Variants in CGNL1 observed in about 807,000 individuals in gnomAD.
CGNL1 encodes cingulin-like protein 1.
In CGNL1, 132 loss-of-function variants were observed where a neutral mutation model predicts 141.2. The observed-to-expected ratio is 0.93, with a 90% CI of 0.81 to 1.08. The LOEUF (loss-of-function observed/expected upper bound fraction) is 1.08. CGNL1 is among the 50% of genes least tolerant of loss of function. The pLI is 0.00. For synonymous variants in CGNL1, 690 were observed against 622.1 expected, an observed-to-expected ratio of 1.11 and a Z score of -1.63; for missense variants, 1,870 against 1,588.6, an observed-to-expected ratio of 1.18 and a Z score of -3.01.
At position 57,447,348 on chromosome 15, in the gene CGNL1, C is replaced by T. The variant is rs150379119; in HGVS notation, c.1804-4152C>T. 2.8e-4 allele frequency among the ~76,000 whole-genome samples: 42 copies of T among 152,234 alleles called. No homozygotes were observed. The East Asian group carries it at 3.7e-3, about 13-fold the overall frequency. ...TTTTTGAATATCCTCTAGTACTTTT[C>T]GTGGGCATTGTTTGAGAATAGCTGT... On this transcript the variant is annotated intron_variant, in intron 4 of 18. Coordinates refer to ENST00000281282, the MANE Select transcript of CGNL1 (RefSeq NM_032866.5).
intron 4 of CGNL1, among the ~76,000 whole-genome samples, chr15:57,449,481 C>A (rs552666372): frequency 6.6e-6 from 1 of 152,270 alleles, no homozygotes; most frequent in East Asian, 1.9e-4. Flanking sequence ...GTCCTGTCCC[C>A]ACATACGCCC....
At chr15:57,467,830 C>T (rs1310905841) in intron 8 of CGNL1, among the ~76,000 whole-genome samples, 1 of 151,748 alleles carries the variant, frequency 6.6e-6, no homozygotes, top group African/African-American at 2.4e-5. Flanking sequence ...GCTGGGATTA[C>T]AGGCGCCTGC....
intron 8 of CGNL1, among the ~76,000 whole-genome samples, chr15:57,469,999 A>C (rs149383173): frequency 6.6e-6 from 1 of 152,304 alleles, no homozygotes; most frequent in Non-Finnish European, 1.5e-5. Flanking sequence ...TGTCTTCTCC[A>C]AGGGAGCCAG....
intron 4 of CGNL1, among the ~76,000 whole-genome samples, chr15:57,449,239 G>A (rs537634733): frequency 6.6e-6 from 1 of 152,046 alleles, no homozygotes; most frequent in Non-Finnish European, 1.5e-5. Flanking sequence ...AAGAATCCAG[G>A]GAGTATTTAT....
chr15:57,530,480 T>G, intron 13 of CGNL1, among the ~76,000 whole-genome samples: 1 of 152,208 alleles, frequency 6.6e-6, no homozygotes, highest in South Asian at 2.1e-4. Flanking sequence ...AGCACTTAAA[T>G]TAATTTTCAA....
At chr15:57,493,293 C>G (rs546152440) in intron 8 of CGNL1, among the ~76,000 whole-genome samples, 1 of 152,124 alleles carries the variant, frequency 6.6e-6, no homozygotes, top group Admixed American at 6.5e-5. Context: ...CACTTGTGCT[C>G]TCTTCTTTTG....
Position 57,453,788 on chromosome 15 carries a change from G to A in CGNL1, c.2160G>A (p.Ser720=), listed in dbSNP as rs780455581. ...MHDELDSAKR[S]EDREKGALIE... The stretch of plus-strand genomic sequence containing the variant: ...ATGAACTGGACAGTGCAAAGCGATC[G>A]GAGGACAGGGAGAAGGGAGCTCTGA... The change falls in exon 7 of 19, where the codon TCG becomes TCA. Residue 720 remains serine, a synonymous_variant. Coordinates refer to ENST00000281282, the MANE Select transcript of CGNL1 (RefSeq NM_032866.5). 4.3e-6 allele frequency: 7 copies of A among 1,613,654 alleles called. No homozygotes were observed. The highest frequency in any genetic ancestry group is 2.7e-5 in the African/African-American group (2 of 74,880).
intron 8 of CGNL1, among the ~76,000 whole-genome samples, chr15:57,514,637 T>C (rs2030619947): frequency 6.6e-6 from 1 of 152,240 alleles, no homozygotes; most frequent in South Asian, 2.1e-4. Context: ...GTTCGTTCTT[T>C]TGTCACTTGT....
chr15:57,469,780 T>C (rs2152343688), intron 8 of CGNL1, among the ~76,000 whole-genome samples: 1 of 152,324 alleles, frequency 6.6e-6, no homozygotes, highest in East Asian at 1.9e-4. Context: ...GAAATGTCAC[T>C]GAGTCTTACA....
intron 8 of CGNL1, among the ~76,000 whole-genome samples, chr15:57,468,234 C>CTTTTTT (rs57360097): frequency 4.4e-4 from 38 of 85,914 alleles, no homozygotes; most frequent in African/African-American, 1.8e-3. Flanking sequence ...TTTTCTTTTT[C>CTTTTTT]TTTTTTTTTT....
intron 7 of CGNL1, among the ~76,000 whole-genome samples, chr15:57,455,384 A>G (rs570651490): frequency 6.6e-6 from 1 of 152,274 alleles, no homozygotes; most frequent in South Asian, 2.1e-4. Context: ...TGAACATTTT[A>G]TTGGTTCTAA....
rs534545352 is a variant in CGNL1 at position 57,458,587 on chromosome 15, C to T, written c.2191-3093C>T. On this transcript the variant is annotated intron_variant, in intron 7 of 18. Coordinates refer to ENST00000281282, the MANE Select transcript of CGNL1 (RefSeq NM_032866.5). ...AGTGTGGGGAGAGGAACTGTCTTATCATCCAAACAATTGAGAAACGTGTGA... is the reference window on the plus strand; with the variant it reads ...AGTGTGGGGAGAGGAACTGTCTTATTATCCAAACAATTGAGAAACGTGTGA... 5.9e-5 allele frequency among the ~76,000 whole-genome samples: 9 copies of T among 152,226 alleles called. No individual in the cohort carries two copies. In the South Asian group the frequency reaches 6.2e-4, roughly 11 times the overall value.
chr15:57,461,324 C>T (rs1199344692), intron 7 of CGNL1, among the ~76,000 whole-genome samples: 1 of 152,144 alleles, frequency 6.6e-6, no homozygotes, highest in Non-Finnish European at 1.5e-5. Flanking sequence ...CGTGAAGCAA[C>T]AGCACACACA....
chr15:57,495,566 G>T (rs931634488), intron 8 of CGNL1, among the ~76,000 whole-genome samples: 2 of 152,168 alleles, frequency 1.3e-5, no homozygotes, highest in African/African-American at 2.4e-5. Context: ...GAGAAAGAAA[G>T]GATGACAGTA....
At chr15:57,468,764 C>T (rs1441625865) in intron 8 of CGNL1, among the ~76,000 whole-genome samples, 1 of 152,094 alleles carries the variant, frequency 6.6e-6, no homozygotes, top group Non-Finnish European at 1.5e-5. Context: ...CTCATAATTC[C>T]CACATGTTGT....
intron 9 of CGNL1, 42 bp downstream of exon 9, chr15:57,517,028 C>T (rs1471956201): frequency 6.4e-7 from 1 of 1,564,458 alleles, no homozygotes; most frequent in African/African-American, 1.4e-5. Flanking sequence ...GCAGCTGCTG[C>T]TCCTTCTTTC....
chr15:57,414,043 A>T (rs1283232998), intron 1 of CGNL1, among the ~76,000 whole-genome samples: 1 of 152,242 alleles, frequency 6.6e-6, no homozygotes, highest in Non-Finnish European at 1.5e-5. Context: ...GCACTATGTG[A>T]AGAGAAGGTT....
chr15:57,467,282 C>G (rs2063521480), intron 8 of CGNL1, among the ~76,000 whole-genome samples: 1 of 152,082 alleles, frequency 6.6e-6, no homozygotes. Context: ...ATAGGAGACC[C>G]CATGGCTGTG....
At chr15:57,440,142 A>G (rs1191465669) in intron 2 of CGNL1, among the ~76,000 whole-genome samples, 1 of 151,054 alleles carries the variant, frequency 6.6e-6, no homozygotes, top group Non-Finnish European at 1.5e-5. Context: ...AGTGCTAGGC[A>G]CTGTTTGTTA....
Sources: allele counts gnomAD v4.1 joint callset (sites outside exome capture counted in the v4.1 genomes callset), GRCh38; gene constraint gnomAD v4.1.1; transcripts MANE v1.5; gene names NCBI Gene and HGNC (gene_info 2026-07-23, HGNC 2026-07-21).